CDK5RAP2: variants seen among roughly 807,000 people sequenced by gnomAD.
CDK5RAP2 encodes CDK5 regulatory subunit associated protein 2.
In CDK5RAP2, 147 loss-of-function variants were observed where a neutral mutation model predicts 232.9. The observed-to-expected ratio is 0.63, with a 90% CI of 0.55 to 0.72. The LOEUF is 0.72. Ranked by LOEUF, CDK5RAP2 falls within the 30% of genes least tolerant of loss-of-function variation. CDK5RAP2 has a pLI of 0.00. For missense variants in CDK5RAP2, 2,195 were observed against 2,231.5 expected (o/e 0.98, Z 0.33); for synonymous variants, 833 against 833.7 (o/e 1.00, Z 0.01).
chr9:120,403,227 G>T lies in CDK5RAP2; in HGVS notation c.5042-156C>A. ...AGAGGGGAAAAGAGGCACGCTCCTG[G>T]ACCTCTGTATATTACCCCACACTGG... On this transcript the variant is annotated intron_variant, in intron 33 of 37. Coordinates refer to ENST00000349780, the MANE Select transcript of CDK5RAP2 (RefSeq NM_018249.6). This position sits in a 1 kb window ranked among gnomAD's most constrained non-coding sequence, Gnocchi z 4.2. The T allele has an allele frequency of 1.5e-6, 1 of 685,488 alleles. No homozygotes were observed. The highest frequency in any genetic ancestry group is 2.7e-5 in the East Asian group (1 of 37,008). 42.5% of individuals were successfully genotyped at this position (685,488 alleles called of 1,614,324 possible). A position where few individuals can be genotyped will look rare whatever the true frequency, so the allele number is the denominator to read the frequency against.
chr9:120,530,016 A>G lies in CDK5RAP2; in HGVS notation c.787T>C (p.Cys263Arg). The G allele has an allele frequency of 1.2e-6, 2 of 1,614,054 alleles. No homozygotes were observed. The highest frequency in any genetic ancestry group is 2.2e-5 in the South Asian group (2 of 91,078). ...NVSSGELRGL[C>R]AAPREEKERE... ...TCCTTTTCTTCCCTTGGAGCAGCACAAAGTCCTCGGAGCTCTCCAGATGAC... is the reference window on the plus strand; with the variant it reads ...TCCTTTTCTTCCCTTGGAGCAGCACGAAGTCCTCGGAGCTCTCCAGATGAC... The change falls in exon 8 of 38, where the codon TGT becomes CGT. Residue 263 changes from cysteine to arginine, a missense_variant. Physicochemically the swap from Cys to Arg is radical, Grantham distance 180. Coordinates refer to ENST00000349780, the MANE Select transcript of CDK5RAP2 (RefSeq NM_018249.6).
chr9:120,450,088 A>G (rs1227792080), intron 21 of CDK5RAP2, among the ~76,000 whole-genome samples: 3 of 152,236 alleles, frequency 2.0e-5, no homozygotes, highest in African/African-American at 7.2e-5. Flanking sequence ...ATTTCTAATA[A>G]CCAAAAGTGG....
At chr9:120,398,080 T>C (rs1352057078) in intron 35 of CDK5RAP2, among the ~76,000 whole-genome samples, 1 of 152,218 alleles carries the variant, frequency 6.6e-6, no homozygotes, top group African/African-American at 2.4e-5. Flanking sequence ...CCTAGTTCCC[T>C]TTAGCGGGCA....
chr9:120,447,687 G>C (rs1261818567), intron 22 of CDK5RAP2, among the ~76,000 whole-genome samples: 1 of 152,176 alleles, frequency 6.6e-6, no homozygotes, highest in Admixed American at 6.5e-5. Context: ...CCTTTATCCA[G>C]ACTCCAGAAT....
At chr9:120,436,504 T>TAGTATATTAGAC (rs1349050669) in intron 25 of CDK5RAP2, among the ~76,000 whole-genome samples, 1 of 152,222 alleles carries the variant, frequency 6.6e-6, no homozygotes, top group African/African-American at 2.4e-5. Context: ...GTATATTAGA[T>TAGTATATTAGAC]AATAGTATAT....
chr9:120,453,501 A>C lies in CDK5RAP2; in HGVS notation c.2748T>G (p.Pro916=). The part of the protein sequence containing the change: ...EHRPENLHGV[P]GWQAALLSLP... The stretch of plus-strand genomic sequence containing the variant: ...GGGAAAGGAGGGCAGCCTGCCACCC[A>C]GGCACCCCGTGCAGGTTCTCTGGCC... The change falls in exon 21 of 38, where the codon CCT becomes CCG. Residue 916 remains proline (P), a synonymous_variant. Coordinates refer to ENST00000349780, the MANE Select transcript of CDK5RAP2 (RefSeq NM_018249.6). 1 of 1,613,634 alleles carries C rather than the reference A, an allele frequency of 6.2e-7. No individual in the cohort carries two copies. Among genetic ancestry groups the C allele is most frequent in the African/African-American group, 1.3e-5 (1 of 75,070 alleles).
At chr9:120,413,848 AGGAG>A (rs1243254831) in intron 28 of CDK5RAP2, among the ~76,000 whole-genome samples, 2 of 147,936 alleles carry the variant, frequency 1.4e-5, no homozygotes, top group South Asian at 2.2e-4. Flanking sequence ...GGAGGGAAGG[AGGAG>A]GGAGGGAGAG....
At chr9:120,507,910 TAAAAAAAAAAAAAAAAAA>T (rs1161123095) in intron 12 of CDK5RAP2, among the ~76,000 whole-genome samples, 1 of 59,430 alleles carries the variant, frequency 1.7e-5, no homozygotes, top group African/African-American at 8.2e-5. Context: ...ACTGGCTGAT[TAAAAAAAAAAAAAAAAAA>T]AAAAAAAAAA....
intron 12 of CDK5RAP2, among the ~76,000 whole-genome samples, chr9:120,507,321 T>C (rs1044772336): frequency 6.6e-6 from 1 of 152,238 alleles, no homozygotes; most frequent in Non-Finnish European, 1.5e-5. Context: ...GAGGGACGTC[T>C]GTACCTTAAT....
chr9:120,433,858 C>T lies in CDK5RAP2; in HGVS notation c.3955+3437G>A, dbSNP rs565201869. Among the ~76,000 whole-genome samples, 3 of 152,330 alleles carry T rather than the reference C, an allele frequency of 2.0e-5. 1 individual carries two copies. Among genetic ancestry groups the T allele is most frequent in the African/African-American group, 7.2e-5 (3 of 41,574 alleles). On this transcript the variant is annotated intron_variant, in intron 25 of 37. Coordinates refer to ENST00000349780, the MANE Select transcript of CDK5RAP2 (RefSeq NM_018249.6). ...TGGGCCACACTCTCCACAGCTGTAA[C>T]ACTAGATTCACTGACTCACTCACTC... is the stretch of plus-strand genomic sequence containing the variant.
rs1313570179 is a variant in CDK5RAP2 at position 120,518,196 on chromosome 9, TGTGTGTGTGTGTGTGAGAGAGAGAGA to T, written c.1311+205_1311+230del. 2.7e-3 allele frequency among the ~76,000 whole-genome samples: 279 copies of T among 104,556 alleles called. 1 individual carries two copies. Among genetic ancestry groups the T allele is most frequent in the African/African-American group, 9.4e-3 (257 of 27,248 alleles). The allele number at this position is 104,556 out of a possible 152,430, so 68.6% of individuals were successfully genotyped here. ...GTGTGTGTGTGTGTGTGTGTGTGTG[TGTGTGTGTGTGTGTGAGAGAGAGAGA>T]GAGAGAGAGAGAGAGAGAGAGCGAG... On this transcript the variant is annotated intron_variant, in intron 12 of 37. Coordinates refer to ENST00000349780, the MANE Select transcript of CDK5RAP2 (RefSeq NM_018249.6).
At chr9:120,517,863 C>A in intron 12 of CDK5RAP2, 1 of 379,380 alleles carries the variant, frequency 2.6e-6, no homozygotes, top group African/African-American at 2.1e-5. Flanking sequence ...AGTTCAGGAA[C>A]AGCCCAGGAA....
At chr9:120,487,937 T>G (rs2038698998) in intron 13 of CDK5RAP2, among the ~76,000 whole-genome samples, 1 of 152,202 alleles carries the variant, frequency 6.6e-6, no homozygotes, top group African/African-American at 2.4e-5. Flanking sequence ...AGATCTGACT[T>G]CCAGGAAAAA....
intron 10 of CDK5RAP2, among the ~76,000 whole-genome samples, chr9:120,527,601 G>A (rs1008240096): frequency 8.6e-5 from 13 of 151,890 alleles, no homozygotes; most frequent in South Asian, 2.1e-4. Flanking sequence ...AAATCACATA[G>A]GTAACCCATA....
intron 12 of CDK5RAP2, among the ~76,000 whole-genome samples, chr9:120,501,260 C>T (rs1291807118): frequency 6.6e-6 from 1 of 152,184 alleles, no homozygotes; most frequent in African/African-American, 2.4e-5. Context: ...GAAAGTTCTC[C>T]AGGTTGCTCC....
In CDK5RAP2 at chr9:120,572,118, A is replaced by G. The variant is rs779190532; in HGVS notation, c.60-77T>C. The stretch of plus-strand genomic sequence containing the variant: ...ACTGTTAAGACGGTCTGGACTGCAC[A>G]TGACAATCATCCCATGGCCAGGAGG... On this transcript the variant is annotated intron_variant, in intron 1 of 37. Transcript: ENST00000349780. 7 of 1,113,860 alleles carry G rather than the reference A, an allele frequency of 6.3e-6. No homozygotes were observed. The East Asian group carries it at 1.2e-4, about 19-fold the overall frequency. The allele number at this position is 1,113,860 out of a possible 1,614,324, so 69.0% of individuals were successfully genotyped here.
chr9:120,559,157 T>C (rs1431171094), intron 3 of CDK5RAP2, among the ~76,000 whole-genome samples: 2 of 152,132 alleles, frequency 1.3e-5, no homozygotes, highest in Non-Finnish European at 2.9e-5. Context: ...AGAAATTAAT[T>C]AGAATGTTTA....
At chr9:120,440,053 C>G in intron 23 of CDK5RAP2, 81 bp from the exon 24 acceptor site, 1 of 1,239,176 alleles carries the variant, frequency 8.1e-7, no homozygotes, top group Non-Finnish European at 1.2e-6. Context: ...CCTAGCCAAG[C>G]CAAGACCACT....
At chr9:120,481,878 A>C (rs192830570) in intron 14 of CDK5RAP2, among the ~76,000 whole-genome samples, 82 of 152,326 alleles carry the variant, frequency 5.4e-4, no homozygotes, top group South Asian at 8.3e-4. Flanking sequence ...AGCGTTAAAG[A>C]GATTAAATGA....
Sources: gnomAD v4.1 joint callset for allele counts (sites outside exome capture counted in the v4.1 genomes callset) on GRCh38, gnomAD v4.1.1 for gene constraint, Gnocchi (gnomAD v3.1) non-coding constraint, MANE v1.5 for transcripts, NCBI Gene and HGNC (gene_info 2026-07-23, HGNC 2026-07-21) for gene names.